NAE1: variants seen among roughly 807,000 people sequenced by gnomAD.
NAE1 encodes the protein NEDD8 activating enzyme E1 subunit 1, also known as NEDD8-activating enzyme E1 regulatory subunit.
NAE1 carries 59 observed loss-of-function variants against 88.0 expected under a neutral mutation model. The ratio of observed to expected loss-of-function variants is 0.67; its 90% CI spans 0.54 to 0.83. The LOEUF is 0.83. Ranked by LOEUF, NAE1 falls within the 40% of genes least tolerant of loss-of-function variation. The probability of loss-of-function intolerance (pLI) is 0.00; values close to 1 mark genes in which losing one functional copy is unlikely to be tolerated. For missense variants in NAE1, 554 were observed against 632.8 expected (o/e 0.88, Z 1.34); for synonymous variants, 186 against 208.9 (o/e 0.89, Z 0.95).
Position 66,818,619 on chromosome 16 carries a change from T to C in NAE1, c.530A>G (p.Asp177Gly), listed in dbSNP as rs748700365. The change falls in exon 8 of 20, where the codon GAT (aspartate) becomes GGT (glycine). Residue 177 changes from aspartate (D) to glycine (G), a missense_variant. Coordinates refer to ENST00000290810, the MANE Select transcript of NAE1 (RefSeq NM_003905.4). ...KEHPVIESHP[D>G]NALEDLRLDK... The stretch of plus-strand genomic sequence containing the variant: ...TAGTCGTAGATCCTCTAATGCATTA[T>C]CTGGATGAGATTCTATTACTGTGAA... 1.9e-6 allele frequency: 3 copies of C among 1,609,464 alleles called. No individual in the cohort carries two copies. The highest frequency in any genetic ancestry group is 2.5e-6 in the Non-Finnish European group (3 of 1,178,764).
Position 66,830,938 on chromosome 16 carries a change from G to C in NAE1, c.-39C>G, listed in dbSNP as rs1295963734. The C allele has an allele frequency of 4.7e-6, 7 of 1,495,192 alleles. No homozygotes were observed. The highest frequency in any genetic ancestry group is 1.3e-5 in the South Asian group (1 of 79,900). 92.6% of individuals were successfully genotyped at this position (1,495,192 alleles called of 1,614,324 possible). The stretch of plus-strand genomic sequence containing the variant: ...GCGCGGAAAACAGCCGAGCCCCTGC[G>C]GAGCGCCGCCACCAGCTCCACAAGC... On this transcript the variant is annotated 5_prime_UTR_variant, in exon 1 of 20. Coordinates refer to ENST00000290810, the MANE Select transcript of NAE1 (RefSeq NM_003905.4).
At chr16:66,806,248 G>A in intron 17 of NAE1, 1 of 405,010 alleles carries the variant, frequency 2.5e-6, no homozygotes, top group South Asian at 3.8e-5. Context: ...TTTATTAATT[G>A]CATCATATTC....
intron 19 of NAE1, chr16:66,805,559 G>C: frequency 2.5e-6 from 1 of 393,372 alleles, no homozygotes; most frequent in Non-Finnish European, 4.4e-6. Flanking sequence ...GATCACTTGA[G>C]CCCAGGAGTT....
At chr16:66,826,190 T>A (rs1289012519) in intron 3 of NAE1, 1 of 278,792 alleles carries the variant, frequency 3.6e-6, no homozygotes, top group Non-Finnish European at 6.8e-6. Flanking sequence ...CTAAAAGACA[T>A]CACAAACAAC....
At chr16:66,808,766 A>G (rs1482371982) in intron 16 of NAE1, 153 bp from the exon 17 acceptor site, 5 of 660,748 alleles carry the variant, frequency 7.6e-6, no homozygotes, top group Non-Finnish European at 1.3e-5. Flanking sequence ...TAACTCATAC[A>G]TATCACACAA....
At chr16:66,830,820 C>CCCTCGGCTCGGTGAG (rs1261554387) in intron 1 of NAE1, 27 bp downstream of exon 1, 4 of 1,508,670 alleles carry the variant, frequency 2.7e-6, no homozygotes, top group Admixed American at 2.1e-5. Context: ...CGCCGGCCCG[C>CCCTCGGCTCGGTGAG]CCTCGGCTCG....
In NAE1 at chr16:66,821,565, T is replaced by TA. The variant is rs762477396; in HGVS notation, c.402-7dup. On this transcript the variant is annotated splice_region_variant and splice_polypyrimidine_tract_variant and intron_variant, in intron 6 of 19. Coordinates refer to ENST00000290810, the MANE Select transcript of NAE1 (RefSeq NM_003905.4). ...CTGCTAAGCGTAGTGAAGTGCTGTTTAAAAAAAAAAAGCAAAATATGAACA... is the reference window on the plus strand; with the variant it reads ...CTGCTAAGCGTAGTGAAGTGCTGTTTAAAAAAAAAAAAGCAAAATATGAACA... 0.015 allele frequency: 17,197 copies of TA among 1,177,044 alleles called. No homozygotes were observed. Among genetic ancestry groups the TA allele is most frequent in the South Asian group, 0.03 (1,836 of 62,086 alleles). The allele number at this position is 1,177,044 out of a possible 1,614,324, so 72.9% of individuals were successfully genotyped here. A position where few individuals can be genotyped will look rare whatever the true frequency, so the allele number is the denominator to read the frequency against.
Position 66,826,548 on chromosome 16 carries a change from C to A in NAE1, c.193G>T (p.Val65Phe), listed in dbSNP as rs765936236. The A allele has an allele frequency of 6.2e-7, 1 of 1,614,152 alleles. No homozygotes were observed. The highest frequency in any genetic ancestry group is 8.5e-7 in the Non-Finnish European group (1 of 1,180,032). ...GSFTIIDGNQVSGEDAGNNFF... is the reference protein window; with the variant it reads ...GSFTIIDGNQFSGEDAGNNFF... ...TTGTTTCCAGCATCTTCTCCGCTGA[C>A]CTGATTTCCATCAATAATTGTAAAC... Residue 65 changes from valine (V) to phenylalanine (F), a missense_variant, in exon 3 of 20, where the codon GTC becomes TTC. Coordinates refer to ENST00000290810, the MANE Select transcript of NAE1 (RefSeq NM_003905.4).
intron 4 of NAE1, 88 bp from the exon 5 acceptor site, chr16:66,823,688 T>A: frequency 1.0e-6 from 1 of 995,064 alleles, no homozygotes; most frequent in Non-Finnish European, 1.5e-6. Flanking sequence ...AAACATACTG[T>A]AAAACTATCC....
intron 17 of NAE1, among the ~76,000 whole-genome samples, chr16:66,807,616 G>A (rs1959617934): frequency 6.6e-6 from 1 of 151,526 alleles, no homozygotes; most frequent in African/African-American, 2.4e-5. Flanking sequence ...CTCCAGCCTG[G>A]GCGACAGAGC....
chr16:66,823,904 T>A (rs919158474), intron 4 of NAE1, among the ~76,000 whole-genome samples: 52 of 152,174 alleles, frequency 3.4e-4, no homozygotes, highest in African/African-American at 8.2e-4. Context: ...GCTAATTTTT[T>A]AAAAAAATAT....
chr16:66,830,835 G>GCCTCGGCTCA lies in NAE1; in HGVS notation c.53+2_53+11dup. 2 of 1,512,042 alleles carry GCCTCGGCTCA rather than the reference G, an allele frequency of 1.3e-6. No individual in the cohort carries two copies. The highest frequency in any genetic ancestry group is 2.5e-5 in the South Asian group (2 of 81,558). 93.7% of individuals were successfully genotyped at this position (1,512,042 alleles called of 1,614,324 possible). The stretch of plus-strand genomic sequence containing the variant: ...CGCCGGCCCGCCCTCGGCTCGGTGA[G>GCCTCGGCTCA]CCTCGGCTCACCTCAGCTGCCGGTC... On this transcript the variant is annotated intron_variant, in intron 1 of 19. Coordinates refer to ENST00000290810, the MANE Select transcript of NAE1 (RefSeq NM_003905.4).
chr16:66,814,540 C>T (rs567521725), intron 11 of NAE1, among the ~76,000 whole-genome samples: 63 of 145,698 alleles, frequency 4.3e-4, no homozygotes, highest in African/African-American at 1.4e-3. Context: ...CTGCAGTGAG[C>T]AGTGATTGTG....
In NAE1 at chr16:66,830,891, C is replaced by T. The variant is rs750252019; in HGVS notation, c.9G>A (p.Gln3=). MA[Q]LGKLLKEQKY... ...TCTGCTCCTTGAGCAGCTTTCCCAG[C>T]TGCGCCATGGCCGCGCCTGCCGCGC... The change falls in exon 1 of 20, where the codon CAG becomes CAA. Residue 3 remains glutamine, a synonymous_variant. Transcript: ENST00000290810. 2.6e-6 allele frequency: 4 copies of T among 1,537,444 alleles called. No homozygotes were observed. The highest frequency in any genetic ancestry group is 5.2e-5 in the East Asian group (2 of 38,206).
At position 66,812,248 on chromosome 16, in the gene NAE1, T is replaced by C. The variant is rs1959830816; in HGVS notation, c.1034+1316A>G. On this transcript the variant is annotated intron_variant, in intron 13 of 19. Transcript: ENST00000290810. ...CTGCCATTTACCAGCTATCTGACCT[T>C]GTATAAGTAACCTTTTCAATACCTT... Among the ~76,000 whole-genome samples the C allele has an allele frequency of 2.6e-5, 4 of 152,170 alleles. No individual in the cohort carries two copies. The South Asian group carries it at 8.3e-4, about 32-fold the overall frequency.
Position 66,818,523 on chromosome 16 carries a change from C to G in NAE1, c.621+5G>C. ...TGTAAATGTAAGGTCACACACACTA[C>G]CAACCTTTTTTTCCATATGATCCAA... On this transcript the variant is annotated splice_donor_5th_base_variant and intron_variant, in intron 8 of 19. Transcript: ENST00000290810. The G allele has an allele frequency of 1.2e-6, 2 of 1,605,532 alleles. No individual in the cohort carries two copies. The highest frequency in any genetic ancestry group is 2.2e-5 in the East Asian group (1 of 44,718).
intron 9 of NAE1, 62 bp downstream of exon 9, chr16:66,817,363 A>G: frequency 7.5e-7 from 1 of 1,336,186 alleles, no homozygotes; most frequent in Non-Finnish European, 1.1e-6. Flanking sequence ...CCATCAAGGA[A>G]ATCCTTTGTA....
intron 11 of NAE1, 23 bp from the exon 12 acceptor site, chr16:66,813,869 T>G: frequency 6.2e-7 from 1 of 1,600,978 alleles, no homozygotes; most frequent in Non-Finnish European, 8.5e-7. Flanking sequence ...CATGAAACAT[T>G]TACTTACACA....
chr16:66,828,247 T>C (rs942633947), intron 1 of NAE1: 11 of 491,928 alleles, frequency 2.2e-5, no homozygotes, highest in Non-Finnish European at 4.0e-5. Context: ...TCCCAGCACT[T>C]TGGGAGGCGG....
Sources: allele counts gnomAD v4.1 joint callset (sites outside exome capture counted in the v4.1 genomes callset), GRCh38; gene constraint gnomAD v4.1.1; transcripts MANE v1.5; gene names NCBI Gene and HGNC (gene_info 2026-07-23, HGNC 2026-07-21).